The following TRPM3 variants were observed in gnomAD, a reference collection of about 807,000 sequenced individuals.
The protein encoded by TRPM3 is transient receptor potential cation channel subfamily M member 3.
Under a neutral mutation model 181.2 loss-of-function variants are expected in TRPM3, and 77 were observed. The observed-to-expected ratio is 0.42, with a 90% CI of 0.35 to 0.51. The LOEUF (loss-of-function observed/expected upper bound fraction) is 0.51, where lower values mean the gene tolerates loss of function less well. Among genes scored for constraint, TRPM3 ranks in the 20% least tolerant of loss-of-function variants. The pLI is 0.01. For synonymous variants in TRPM3, 745 were observed against 796.4 expected (o/e 0.94, Z 1.09); for missense variants, 1,759 against 2,196.7 (o/e 0.80, Z 3.98).
chr9:71,337,862 C>T (rs1218706133), intron 1 of TRPM3, among the ~76,000 whole-genome samples: 1 of 152,086 alleles, frequency 6.6e-6, no homozygotes, highest in East Asian at 1.9e-4. Flanking sequence ...TGTTCTCACT[C>T]ATAAGTGGGA....
In TRPM3 at chr9:70,627,321, G is replaced by A. The variant is rs181690432; in HGVS notation, c.1633-1804C>T. 1.2e-3 allele frequency among the ~76,000 whole-genome samples: 170 copies of A among 139,450 alleles called. 1 individual carries two copies. Among genetic ancestry groups the A allele is most frequent in the African/African-American group, 4.3e-3 (160 of 36,832 alleles). 91.5% of individuals were successfully genotyped at this position (139,450 alleles called of 152,430 possible). A position where few individuals can be genotyped will look rare whatever the true frequency, so the allele number is the denominator to read the frequency against. ...GAGTTTCACTCTTGTTGCCCAGGCT[G>A]GAGTGCAATGGCGTGATTTGGGCTC... On this transcript the variant is annotated intron_variant, in intron 12 of 25. Transcript: ENST00000677713.
chr9:71,192,748 T>G (rs1004825087), intron 1 of TRPM3, among the ~76,000 whole-genome samples: 1 of 151,906 alleles, frequency 6.6e-6, no homozygotes, highest in Non-Finnish European at 1.5e-5. Context: ...ATGCATAAAC[T>G]TTTTAGGTTG....
intron 1 of TRPM3, among the ~76,000 whole-genome samples, chr9:71,069,861 G>A (rs2062493003): frequency 6.6e-6 from 1 of 152,044 alleles, no homozygotes; most frequent in Non-Finnish European, 1.5e-5. Flanking sequence ...ACCCGCCTCG[G>A]CCTCCCAAAG....
At chr9:70,620,014 G>A (rs2063401661) in intron 16 of TRPM3, 62 bp downstream of exon 16, 12 of 1,522,922 alleles carry the variant, frequency 7.9e-6, no homozygotes, top group Non-Finnish European at 1.1e-5. Flanking sequence ...AGACTCTCCA[G>A]CACTGGGAGC....
At chr9:70,965,201 C>T (rs554686792) in intron 1 of TRPM3, among the ~76,000 whole-genome samples, 2 of 152,028 alleles carry the variant, frequency 1.3e-5, no homozygotes, top group East Asian at 3.9e-4. Flanking sequence ...ATTGGTGCAT[C>T]AGTCAGAAGG....
intron 1 of TRPM3, among the ~76,000 whole-genome samples, chr9:71,323,097 C>CT (rs1286765408): frequency 6.6e-6 from 1 of 152,090 alleles, no homozygotes; most frequent in Non-Finnish European, 1.5e-5. Flanking sequence ...AACACCCCAT[C>CT]TTTTTTTCCC....
At chr9:70,753,975 T>A (rs557366673) in intron 8 of TRPM3, among the ~76,000 whole-genome samples, 1 of 152,062 alleles carries the variant, frequency 6.6e-6, no homozygotes, top group Non-Finnish European at 1.5e-5. Flanking sequence ...CCATGACTTG[T>A]TTAGGGCCAC....
chr9:71,197,800 A>T (rs2078487632), intron 1 of TRPM3, among the ~76,000 whole-genome samples: 1 of 130,174 alleles, frequency 7.7e-6, no homozygotes, highest in South Asian at 2.7e-4. Flanking sequence ...GGTTGCAAAA[A>T]TTTTCTCCCA....
chr9:70,655,363 G>A (rs1477205855), intron 9 of TRPM3, among the ~76,000 whole-genome samples: 1 of 147,320 alleles, frequency 6.8e-6, no homozygotes, highest in Non-Finnish European at 1.5e-5. Flanking sequence ...TGGCCTTTGT[G>A]CATATTCACA....
intron 1 of TRPM3, among the ~76,000 whole-genome samples, chr9:71,015,200 C>A (rs776740170): frequency 2.0e-4 from 31 of 152,104 alleles, no homozygotes; most frequent in Non-Finnish European, 4.0e-4. Flanking sequence ...AATTATTGTA[C>A]CTTTAAGACT....
chr9:71,076,331 G>A (rs2063459390), intron 1 of TRPM3, among the ~76,000 whole-genome samples: 1 of 152,162 alleles, frequency 6.6e-6, no homozygotes, highest in Admixed American at 6.5e-5. Flanking sequence ...GCATATTACT[G>A]AATTTTGTAA....
intron 22 of TRPM3, among the ~76,000 whole-genome samples, chr9:70,571,816 CA>C (rs1444737946): frequency 5.3e-5 from 8 of 152,012 alleles, no homozygotes; most frequent in African/African-American, 9.7e-5. Context: ...ACTACTTGAC[CA>C]CCTAAATTTT....
At chr9:70,816,797 A>C (rs1193059477) in intron 6 of TRPM3, among the ~76,000 whole-genome samples, 1 of 152,226 alleles carries the variant, frequency 6.6e-6, no homozygotes, top group Admixed American at 6.5e-5. Flanking sequence ...TTTTGAGGCT[A>C]AGGGGATCTG....
At chr9:71,303,034 C>T (rs1053975355) in intron 1 of TRPM3, among the ~76,000 whole-genome samples, 20 of 152,126 alleles carry the variant, frequency 1.3e-4, no homozygotes, top group Admixed American at 1.1e-3. Context: ...ACTGGGCGCT[C>T]ACCAATGCTC....
intron 1 of TRPM3, among the ~76,000 whole-genome samples, chr9:71,250,993 G>C (rs760486165): frequency 2.0e-5 from 3 of 152,202 alleles, no homozygotes; most frequent in Admixed American, 6.5e-5. Context: ...GATTTGCTTT[G>C]TTCCAAAAAG....
chr9:71,238,560 A>T (rs1158457208), intron 1 of TRPM3, among the ~76,000 whole-genome samples: 2 of 152,192 alleles, frequency 1.3e-5, no homozygotes, highest in Non-Finnish European at 1.5e-5. Context: ...CGGACTAAGG[A>T]AACAGTCTTC....
intron 1 of TRPM3, among the ~76,000 whole-genome samples, chr9:71,371,992 C>T (rs113453811): frequency 3.9e-5 from 6 of 152,090 alleles, no homozygotes; most frequent in Non-Finnish European, 8.8e-5. Flanking sequence ...ACATCCCCCC[C>T]ACAGGTGCCC....
chr9:71,410,650 C>A (rs182174996), intron 1 of TRPM3, among the ~76,000 whole-genome samples: 1 of 152,106 alleles, frequency 6.6e-6, no homozygotes, highest in African/African-American at 2.4e-5. Context: ...CAGGCCCAGA[C>A]GGATTCACAG....
intron 1 of TRPM3, among the ~76,000 whole-genome samples, chr9:71,013,390 C>A (rs1326072070): frequency 4.6e-5 from 7 of 151,402 alleles, no homozygotes. Context: ...TTAATGCTTT[C>A]TTTTTTGTGT....
Sources: allele counts gnomAD v4.1 joint callset (sites outside exome capture counted in the v4.1 genomes callset), GRCh38; gene constraint gnomAD v4.1.1; transcripts MANE v1.5; gene names NCBI Gene and HGNC (gene_info 2026-07-23, HGNC 2026-07-21).